ACOXL: variants seen among roughly 807,000 people sequenced by gnomAD.
ACOXL encodes the protein acyl-coenzyme A oxidase-like protein.
A neutral mutation model predicts 71.9 loss-of-function variants in ACOXL; 70 were observed. The observed-to-expected ratio is 0.97, with a 90% CI of 0.80 to 1.19. ACOXL has a LOEUF of 1.19. ACOXL is among the 50% of genes most tolerant of loss of function. ACOXL has a pLI of 0.00. For missense variants in ACOXL, 703 were observed against 736.3 expected (o/e 0.95, Z 0.52); for synonymous variants, 253 against 281.6 (o/e 0.90, Z 1.02).
chr2:110,879,117 AG>A (rs1236349828), intron 10 of ACOXL, among the ~76,000 whole-genome samples: 1 of 152,076 alleles, frequency 6.6e-6, no homozygotes, highest in Non-Finnish European at 1.5e-5. Context: ...GATAAATAAG[AG>A]GAGGAACCAC....
chr2:110,988,164 A>G (rs2063015678), intron 13 of ACOXL, among the ~76,000 whole-genome samples: 1 of 152,214 alleles, frequency 6.6e-6, no homozygotes, highest in African/African-American at 2.4e-5. Context: ...TCAGCCAGAC[A>G]TGGTGGCTCA....
At position 111,046,865 on chromosome 2, in the gene ACOXL, G is replaced by A. The variant is rs576278728; in HGVS notation, c.1370-2353G>A. ...CAGGAGCCATCAGGGTGGTTTGCAC[G>A]GGGAAGAGGGGCTAGGCCTGGTGTG... On this transcript the variant is annotated intron_variant, in intron 15 of 17. Coordinates refer to ENST00000439055, the MANE Select transcript of ACOXL (RefSeq NM_001142807.4). Among the ~76,000 whole-genome samples the A allele has an allele frequency of 4.9e-5, 7 of 144,244 alleles. No individual in the cohort carries two copies. In the South Asian group the frequency reaches 1.4e-3, roughly 30 times the overall value. The allele number at this position is 144,244 out of a possible 152,430, so 94.6% of individuals were successfully genotyped here. A position where few individuals can be genotyped will look rare whatever the true frequency, so the allele number is the denominator to read the frequency against.
intron 16 of ACOXL, among the ~76,000 whole-genome samples, chr2:111,070,181 C>T (rs987419868): frequency 5.9e-5 from 9 of 152,096 alleles, no homozygotes; most frequent in African/African-American, 2.2e-4. Flanking sequence ...AATCATTCTA[C>T]CATAAAGGCA....
chr2:110,954,990 A>G (rs1253915533), intron 12 of ACOXL, among the ~76,000 whole-genome samples: 1 of 152,100 alleles, frequency 6.6e-6, no homozygotes, highest in East Asian at 1.9e-4. Flanking sequence ...GTAATTTTTC[A>G]TGGCAATCTG....
chr2:110,844,706 C>T (rs1691585034), intron 10 of ACOXL, among the ~76,000 whole-genome samples: 1 of 152,092 alleles, frequency 6.6e-6, no homozygotes, highest in Non-Finnish European at 1.5e-5. Flanking sequence ...TGCCATCACG[C>T]CCAGCTAATT....
chr2:110,973,639 C>A (rs1260106713), intron 12 of ACOXL, among the ~76,000 whole-genome samples: 1 of 152,122 alleles, frequency 6.6e-6, no homozygotes, highest in African/African-American at 2.4e-5. Flanking sequence ...GCAGCCTGAG[C>A]TAAGACACAA....
At chr2:110,954,373 A>C (rs1261194793) in intron 12 of ACOXL, among the ~76,000 whole-genome samples, 1 of 152,054 alleles carries the variant, frequency 6.6e-6, no homozygotes, top group African/African-American at 2.4e-5. Context: ...TATGTTTTCC[A>C]TCTCTTATTT....
At chr2:111,032,390 G>C (rs1281550337) in intron 15 of ACOXL, among the ~76,000 whole-genome samples, 1 of 152,178 alleles carries the variant, frequency 6.6e-6, no homozygotes, top group East Asian at 1.9e-4. Flanking sequence ...CAGTAATGCT[G>C]AGATTGAGAA....
intron 1 of ACOXL, among the ~76,000 whole-genome samples, chr2:110,756,196 G>A (rs377146074): frequency 6.6e-6 from 1 of 152,064 alleles, no homozygotes; most frequent in Non-Finnish European, 1.5e-5. Flanking sequence ...GCACGATCTC[G>A]GCTCACTGCA....
At chr2:111,003,570 A>AAAAAAAAAAAAAAAAAAAAAAC (rs2063739539) in intron 14 of ACOXL, among the ~76,000 whole-genome samples, 1 of 148,556 alleles carries the variant, frequency 6.7e-6, no homozygotes, top group African/African-American at 2.5e-5. Flanking sequence ...AAAAAAAAAA[A>AAAAAAAAAAAAAAAAAAAAAAC]AAAAAAAAAG....
chr2:111,026,546 A>C (rs558881514), intron 14 of ACOXL, among the ~76,000 whole-genome samples: 58 of 150,626 alleles, frequency 3.9e-4, no homozygotes, highest in African/African-American at 1.4e-3. Context: ...TATATTTTAT[A>C]AAATGTATCC....
intron 12 of ACOXL, among the ~76,000 whole-genome samples, chr2:110,944,573 C>T (rs2061025304): frequency 6.6e-6 from 1 of 152,088 alleles, no homozygotes; most frequent in African/African-American, 2.4e-5. Flanking sequence ...TGTTTAGCTC[C>T]CACTTATGAG....
rs542276596 is a variant in ACOXL, at chr2:110,973,548, C to T, written c.1060-13560C>T. 3.3e-5 allele frequency among the ~76,000 whole-genome samples: 5 copies of T among 152,294 alleles called. No homozygotes were observed. In the East Asian group the frequency reaches 9.7e-4, roughly 29 times the overall value. ...ACACTGAATCTACCACTACTTTGAT[C>T]TTGGACTTCCCAGACTCCAGAACTG... On this transcript the variant is annotated intron_variant, in intron 12 of 17. Transcript: ENST00000439055.
chr2:111,110,515 A>C (rs2069870116), intron 17 of ACOXL, among the ~76,000 whole-genome samples: 2 of 152,182 alleles, frequency 1.3e-5, no homozygotes, highest in Non-Finnish European at 2.9e-5. Context: ...GAGGGTAAGA[A>C]TCGCTAGGCC....
chr2:110,759,522 C>A (rs369067933), intron 1 of ACOXL, among the ~76,000 whole-genome samples: 1 of 151,874 alleles, frequency 6.6e-6, no homozygotes, highest in Non-Finnish European at 1.5e-5. Flanking sequence ...TCCATTTGCT[C>A]GGTAAATTTT....
chr2:110,886,131 G>A (rs778782066), intron 10 of ACOXL, among the ~76,000 whole-genome samples: 10 of 152,184 alleles, frequency 6.6e-5, no homozygotes, highest in Admixed American at 2.6e-4. Flanking sequence ...GGATATGTGC[G>A]TGTGCACACG....
chr2:110,895,697 A>G (rs527403333), intron 10 of ACOXL, among the ~76,000 whole-genome samples: 1 of 151,698 alleles, frequency 6.6e-6, no homozygotes, highest in South Asian at 2.1e-4. Flanking sequence ...AACAATTGGA[A>G]TCATAGCAAA....
At chr2:110,912,572 A>T (rs1015339952) in intron 11 of ACOXL, among the ~76,000 whole-genome samples, 1 of 152,128 alleles carries the variant, frequency 6.6e-6, no homozygotes, top group Non-Finnish European at 1.5e-5. Flanking sequence ...ATATGCAAAA[A>T]ATGAAGTTGG....
intron 11 of ACOXL, among the ~76,000 whole-genome samples, chr2:110,922,825 G>A (rs780534247): frequency 9.9e-5 from 15 of 152,158 alleles, no homozygotes; most frequent in Non-Finnish European, 2.2e-4. Context: ...AAGAACCCCA[G>A]AGCCCTTACC....
Sources: allele counts gnomAD v4.1 joint callset (sites outside exome capture counted in the v4.1 genomes callset), GRCh38; gene constraint gnomAD v4.1.1; transcripts MANE v1.5; gene names NCBI Gene and HGNC (gene_info 2026-07-23, HGNC 2026-07-21).